The following PRIM2 variants were observed in gnomAD, a reference collection of about 807,000 sequenced individuals.
PRIM2 encodes DNA primase subunit 2.
Under a neutral mutation model 67.3 loss-of-function variants are expected in PRIM2, and 39 were observed. The ratio of observed to expected loss-of-function variants is 0.58; its 90% CI spans 0.45 to 0.76. PRIM2 has a LOEUF of 0.76. Ranked by LOEUF, PRIM2 falls within the 30% of genes least tolerant of loss-of-function variation. The probability of loss-of-function intolerance (pLI) is 0.00; values close to 1 mark genes in which losing one functional copy is unlikely to be tolerated. For missense variants in PRIM2, 398 were observed against 598.7 expected, an observed-to-expected ratio of 0.66 and a Z score of 3.50; for synonymous variants, 143 against 198.7, an observed-to-expected ratio of 0.72 and a Z score of 2.36.
upstream of PRIM2, among the ~76,000 whole-genome samples, chr6:57,311,120 A>ACTT (rs1273197924): frequency 8.9e-6 from 1 of 112,408 alleles, no homozygotes; most frequent in South Asian, 3.1e-4. Context: ...GATGCCCCTC[A>ACTT]CCTCCCAGAC....
intron 12 of PRIM2, among the ~76,000 whole-genome samples, chr6:57,631,519 T>C (rs1318535328): frequency 6.6e-6 from 1 of 152,162 alleles, no homozygotes; most frequent in African/African-American, 2.4e-5. Context: ...CTAACAGGTG[T>C]TCAGAATAGG....
intron 13 of PRIM2, among the ~76,000 whole-genome samples, chr6:57,638,841 A>G (rs1301508316): frequency 0.011 from 1,635 of 152,276 alleles, 14 homozygotes; most frequent in Non-Finnish European, 0.018. Flanking sequence ...TGTCAATATT[A>G]GATCAACGAG....
the PRIM2 span, among the ~76,000 whole-genome samples, chr6:57,256,636 A>G: frequency 1.9e-5 from 1 of 52,188 alleles, no homozygotes; most frequent in African/African-American, 6.8e-5. Context: ...TCTCTTACAC[A>G]CACACACACA....
At chr6:57,431,513 C>G (rs1771825820) in intron 7 of PRIM2, among the ~76,000 whole-genome samples, 1 of 151,938 alleles carries the variant, frequency 6.6e-6, no homozygotes, top group Non-Finnish European at 1.5e-5. Flanking sequence ...AAACAATTAG[C>G]CAGGCCTGGA....
intron 7 of PRIM2, among the ~76,000 whole-genome samples, chr6:57,476,541 T>C (rs1436359200): frequency 6.6e-6 from 1 of 152,182 alleles, no homozygotes; most frequent in Non-Finnish European, 1.5e-5. Context: ...TTCTTTCCTA[T>C]TTATTAATGT....
chr6:57,392,136 T>C (rs1433475484), intron 7 of PRIM2, among the ~76,000 whole-genome samples: 3 of 152,172 alleles, frequency 2.0e-5, no homozygotes, highest in Admixed American at 1.3e-4. Flanking sequence ...TTTGTGGCAA[T>C]TGTGAATGGG....
intron 6 of PRIM2, among the ~76,000 whole-genome samples, chr6:57,380,656 G>C (rs556252419): frequency 6.6e-5 from 10 of 152,042 alleles, no homozygotes; most frequent in African/African-American, 2.4e-4. Flanking sequence ...TAATTATTAT[G>C]AGTGAGTGCC....
chr6:57,413,826 A>G (rs1459158481), intron 7 of PRIM2, among the ~76,000 whole-genome samples: 1 of 152,114 alleles, frequency 6.6e-6, no homozygotes, highest in African/African-American at 2.4e-5. Flanking sequence ...TTGACTGTGT[A>G]TCTTGGGATT....
chr6:57,561,174 A>T (rs1775620738), intron 10 of PRIM2, among the ~76,000 whole-genome samples: 1 of 152,080 alleles, frequency 6.6e-6, no homozygotes, highest in Non-Finnish European at 1.5e-5. Flanking sequence ...CTTTTATATC[A>T]TGGAGATAGC....
At chr6:57,462,640 G>A (rs1369982076) in intron 7 of PRIM2, among the ~76,000 whole-genome samples, 2 of 152,214 alleles carry the variant, frequency 1.3e-5, no homozygotes, top group African/African-American at 4.8e-5. Flanking sequence ...GAGCTCTGTT[G>A]TAGGGAGTAT....
chr6:57,505,200 CTAAT>C (rs1774226513), intron 7 of PRIM2: 2 of 152,192 alleles, frequency 1.3e-5, no homozygotes, highest in South Asian at 4.1e-4. Context: ...TTTGTAAGCG[CTAAT>C]TGTTTTAAAA....
the PRIM2 span, among the ~76,000 whole-genome samples, chr6:57,240,451 G>T: frequency 6.6e-6 from 1 of 152,132 alleles, no homozygotes; most frequent in East Asian, 1.9e-4. Context: ...AGTAGACCAC[G>T]AGCAGCTTGC....
At chr6:57,523,940 A>C (rs1421672660) in intron 8 of PRIM2, among the ~76,000 whole-genome samples, 3 of 152,032 alleles carry the variant, frequency 2.0e-5, no homozygotes, top group Non-Finnish European at 4.4e-5. Context: ...TACAATTCAC[A>C]GATCAGATGT....
At chr6:57,414,559 A>G (rs1269259145) in intron 7 of PRIM2, among the ~76,000 whole-genome samples, 2 of 152,118 alleles carry the variant, frequency 1.3e-5, no homozygotes, top group African/African-American at 4.8e-5. Context: ...AATCTTAGGA[A>G]TTTTTATGTA....
chr6:57,244,300 T>TA, the PRIM2 span, among the ~76,000 whole-genome samples: 1 of 152,230 alleles, frequency 6.6e-6, no homozygotes, highest in East Asian at 1.9e-4. Flanking sequence ...CCAAAGGCTG[T>TA]ATCTCCCAGT....
intron 10 of PRIM2, among the ~76,000 whole-genome samples, chr6:57,582,990 A>C (rs1257266986): frequency 1.3e-4 from 15 of 119,370 alleles, no homozygotes; most frequent in Non-Finnish European, 2.0e-4. Flanking sequence ...TCCTGTGTCC[A>C]TGTGTTCTCA....
intron 5 of PRIM2, among the ~76,000 whole-genome samples, chr6:57,345,332 A>AT (rs917161684): frequency 2.9e-4 from 44 of 151,600 alleles, no homozygotes; most frequent in Non-Finnish European, 5.0e-4. Flanking sequence ...TGATTTGTGT[A>AT]TTTTTTGTGT....
intron 2 of PRIM2, among the ~76,000 whole-genome samples, chr6:57,318,937 C>T (rs1767563557): frequency 6.6e-6 from 1 of 152,142 alleles, no homozygotes; most frequent in African/African-American, 2.4e-5. Context: ...ATTTTAACTG[C>T]TCTAGTAGAA....
rs1216837657 is a variant in PRIM2, at chr6:57,621,761, A to T, written c.1231-10372A>T. ...AATACTGGATTTTTAATACCTATAT[A>T]GTTACCTTAGCTCGTGTTCATTCTT... On this transcript the variant is annotated intron_variant, in intron 12 of 13. Transcript: ENST00000615550. 7.4e-3 allele frequency among the ~76,000 whole-genome samples: 1,123 copies of T among 152,296 alleles called. 14 individuals are homozygous for T. The highest frequency in any genetic ancestry group is 0.026 in the African/African-American group (1,069 of 41,560).
Sources: gnomAD v4.1 joint callset for allele counts (sites outside exome capture counted in the v4.1 genomes callset) on GRCh38, gnomAD v4.1.1 for gene constraint, MANE v1.5 for transcripts, NCBI Gene and HGNC (gene_info 2026-07-23, HGNC 2026-07-21) for gene names.